The following PRKG1 variants were observed in gnomAD, a reference collection of about 807,000 sequenced individuals.
PRKG1 encodes cGMP-dependent protein kinase 1.
PRKG1 carries 35 observed loss-of-function variants against 88.1 expected under a neutral mutation model. The observed-to-expected ratio is 0.40, with a 90% CI of 0.30 to 0.53. The LOEUF (loss-of-function observed/expected upper bound fraction) is 0.53. PRKG1 is among the 20% of genes least tolerant of loss of function. PRKG1 has a pLI of 0.59. For synonymous variants in PRKG1, 303 were observed against 292.5 expected (o/e 1.04, Z -0.37); for missense variants, 540 against 839.8 (o/e 0.64, Z 4.41).
intron 2 of PRKG1, among the ~76,000 whole-genome samples, chr10:51,397,510 T>C (rs1188011998): frequency 6.6e-6 from 1 of 152,208 alleles, no homozygotes; most frequent in Non-Finnish European, 1.5e-5. Context: ...CGAGTTGGAC[T>C]TTGACTTGCT....
chr10:51,178,386 C>T (rs1249916325), intron 2 of PRKG1, among the ~76,000 whole-genome samples: 1 of 152,130 alleles, frequency 6.6e-6, no homozygotes, highest in East Asian at 1.9e-4. Flanking sequence ...CACCTCCAAT[C>T]CTAGCACTTT....
At chr10:51,954,825 G>A (rs1298567416) in intron 5 of PRKG1, among the ~76,000 whole-genome samples, 2 of 152,088 alleles carry the variant, frequency 1.3e-5, no homozygotes, top group African/African-American at 4.8e-5. Context: ...CCCCCATCTG[G>A]AGACAGAAAA....
intron 5 of PRKG1, among the ~76,000 whole-genome samples, chr10:51,921,521 CTGT>C (rs1842463199): frequency 7.2e-5 from 11 of 152,182 alleles, no homozygotes; most frequent in Admixed American, 7.2e-4. Context: ...TAGTTTCTCA[CTGT>C]TAAGTATGTT....
chr10:51,668,476 T>C (rs1316187722), intron 3 of PRKG1, among the ~76,000 whole-genome samples: 2 of 152,232 alleles, frequency 1.3e-5, no homozygotes, highest in African/African-American at 4.8e-5. Flanking sequence ...GGTTCTATCA[T>C]AGCTTACTGC....
At chr10:52,128,361 T>C (rs775287888) in intron 7 of PRKG1, 17 of 985,214 alleles carry the variant, frequency 1.7e-5, no homozygotes, top group African/African-American at 3.5e-5. Flanking sequence ...CTGTGTTTGT[T>C]CCCCTGAGGT....
intron 9 of PRKG1, 115 bp from the exon 10 acceptor site, chr10:52,251,455 T>C: frequency 1.3e-6 from 1 of 767,256 alleles, no homozygotes; most frequent in Non-Finnish European, 2.2e-6. Flanking sequence ...AAAAGCAAGA[T>C]GGAATGTAAG....
At chr10:51,744,832 C>A (rs1238678284) in intron 3 of PRKG1, among the ~76,000 whole-genome samples, 1 of 152,108 alleles carries the variant, frequency 6.6e-6, no homozygotes, top group East Asian at 1.9e-4. Context: ...AGCACATCGA[C>A]CTGTAGAGAG....
intron 3 of PRKG1, among the ~76,000 whole-genome samples, chr10:51,607,451 AG>A (rs1838795942): frequency 6.6e-6 from 1 of 152,236 alleles, no homozygotes; most frequent in South Asian, 2.1e-4. Context: ...GGCTCTCAGT[AG>A]CAGCTAGGTG....
chr10:51,965,606 A>T (rs1382613292), intron 5 of PRKG1, among the ~76,000 whole-genome samples: 1 of 152,242 alleles, frequency 6.6e-6, no homozygotes, highest in African/African-American at 2.4e-5. Flanking sequence ...AAAGAATCAT[A>T]TAGCAAAACA....
rs75990821 is a variant in PRKG1, at chr10:52,215,461, A to G, written c.1077-36109A>G. On this transcript the variant is annotated intron_variant, in intron 9 of 17. Coordinates refer to ENST00000373980, the MANE Select transcript of PRKG1 (RefSeq NM_006258.4). ...TAAGCATTCTATGCTATAAAGCGAG[A>G]TATACAGGCATTTAGATAGTTAAAG... 8.1e-3 allele frequency among the ~76,000 whole-genome samples: 1,231 copies of G among 152,190 alleles called. 20 individuals are homozygous for G. Among genetic ancestry groups the G allele is most frequent in the African/African-American group, 0.028 (1,178 of 41,522 alleles).
intron 9 of PRKG1, among the ~76,000 whole-genome samples, chr10:52,240,554 A>T (rs1468076593): frequency 6.6e-6 from 1 of 152,176 alleles, no homozygotes; most frequent in Non-Finnish European, 1.5e-5. Context: ...AGTTTTATTG[A>T]TACACCATTC....
intron 9 of PRKG1, among the ~76,000 whole-genome samples, chr10:52,169,544 G>A (rs1838598179): frequency 6.6e-6 from 1 of 152,142 alleles, no homozygotes; most frequent in Admixed American, 6.5e-5. Context: ...CATGAATTTA[G>A]GTAGGAGGCA....
chr10:52,228,447 C>A (rs530387582), intron 9 of PRKG1, among the ~76,000 whole-genome samples: 1 of 152,228 alleles, frequency 6.6e-6, no homozygotes, highest in South Asian at 2.1e-4. Context: ...ACTTGGAAAC[C>A]TACTTTTTTC....
At chr10:51,864,170 A>T (rs1840957787) in intron 4 of PRKG1, among the ~76,000 whole-genome samples, 1 of 152,184 alleles carries the variant, frequency 6.6e-6, no homozygotes, top group African/African-American at 2.4e-5. Flanking sequence ...CACTAAAGAC[A>T]TCTCTACTAA....
At chr10:51,240,443 C>G (rs1839121919) in intron 2 of PRKG1, among the ~76,000 whole-genome samples, 1 of 152,164 alleles carries the variant, frequency 6.6e-6, no homozygotes, top group South Asian at 2.1e-4. Flanking sequence ...TACACTGTAG[C>G]CTTTTTAGCC....
At chr10:52,019,161 A>C (rs1328620440) in intron 5 of PRKG1, among the ~76,000 whole-genome samples, 1 of 151,994 alleles carries the variant, frequency 6.6e-6, no homozygotes, top group Non-Finnish European at 1.5e-5. Flanking sequence ...TGGAGTGGGA[A>C]CTCAGTCACC....
chr10:51,376,529 C>CT (rs767902016), intron 2 of PRKG1, among the ~76,000 whole-genome samples: 55 of 152,098 alleles, frequency 3.6e-4, no homozygotes, highest in South Asian at 1.0e-3. Context: ...GAGATAATAC[C>CT]TTTTTTTGTA....
At chr10:51,222,958 CAAACT>C (rs1564644792) in intron 2 of PRKG1, among the ~76,000 whole-genome samples, 1 of 150,596 alleles carries the variant, frequency 6.6e-6, no homozygotes, top group Non-Finnish European at 1.5e-5. Context: ...TTACCATAAT[CAAACT>C]AAATAACATA....
At chr10:51,015,803 C>T (rs1410412269) in intron 1 of PRKG1, among the ~76,000 whole-genome samples, 1 of 152,098 alleles carries the variant, frequency 6.6e-6, no homozygotes. Flanking sequence ...AGGAGAATCG[C>T]TTGAACCTGG....
Sources: gnomAD v4.1 joint callset for allele counts (sites outside exome capture counted in the v4.1 genomes callset) on GRCh38, gnomAD v4.1.1 for gene constraint, MANE v1.5 for transcripts, NCBI Gene and HGNC (gene_info 2026-07-23, HGNC 2026-07-21) for gene names.